PDE1A: variants seen among roughly 807,000 people sequenced by gnomAD.
PDE1A encodes dual specificity calcium/calmodulin-dependent 3',5'-cyclic nucleotide phosphodiesterase 1A.
In PDE1A, 35 loss-of-function variants were observed where a neutral mutation model predicts 61.7. That is an observed-to-expected ratio of 0.57 (90% CI 0.43 to 0.75). PDE1A has a LOEUF of 0.75. Ranked by LOEUF, PDE1A falls within the 30% of genes least tolerant of loss-of-function variation. PDE1A has a pLI of 0.00. For synonymous variants in PDE1A, 232 were observed against 213.2 expected, an observed-to-expected ratio of 1.09 and a Z score of -0.77; for missense variants, 597 against 630.6, an observed-to-expected ratio of 0.95 and a Z score of 0.57.
chr2:182,454,349 T>C (rs1685749134), intron 2 of PDE1A, among the ~76,000 whole-genome samples: 1 of 152,138 alleles, frequency 6.6e-6, no homozygotes, highest in African/African-American at 2.4e-5. Flanking sequence ...CTGCCCAAGG[T>C]AATTTATAGA....
chr2:182,607,146 T>C, the PDE1A span, among the ~76,000 whole-genome samples: 1 of 152,176 alleles, frequency 6.6e-6, no homozygotes. Flanking sequence ...GTGTTGGGTC[T>C]AGTGTCTCAT....
At position 182,315,120 on chromosome 2, in the gene PDE1A, A is replaced by T. The variant is rs1677683454; in HGVS notation, c.54-50706T>A. 1.3e-5 allele frequency among the ~76,000 whole-genome samples: 2 copies of T among 152,192 alleles called. 1 individual carries two copies. Among genetic ancestry groups the T allele is most frequent in the South Asian group, 4.1e-4 (2 of 4,828 alleles). The stretch of plus-strand genomic sequence containing the variant: ...TAATAATACTCCTTGATTAATTCTT[A>T]AATTTTACCTTTTAAATTGTAAAAC... On this transcript the variant is annotated intron_variant, in intron 1 of 13. Transcript: ENST00000351439.
At chr2:182,700,971 T>TA in the PDE1A span, among the ~76,000 whole-genome samples, 7 of 151,808 alleles carry the variant, frequency 4.6e-5, no homozygotes, top group African/African-American at 1.2e-4. Flanking sequence ...AGTTTTCATT[T>TA]AAAAAAAATC....
At chr2:182,689,277 A>C in the PDE1A span, among the ~76,000 whole-genome samples, 1 of 152,214 alleles carries the variant, frequency 6.6e-6, no homozygotes, top group Non-Finnish European at 1.5e-5. Flanking sequence ...CATAGTTGGA[A>C]GTAAAGCACT....
intron 13 of PDE1A, among the ~76,000 whole-genome samples, chr2:182,159,439 A>ATCACCTTTCC: frequency 6.6e-6 from 1 of 152,324 alleles, no homozygotes; most frequent in Non-Finnish European, 1.5e-5. Context: ...TTGATAGGTT[A>ATCACCTTTCC]ATTAAGAATG....
chr2:182,667,025 C>T, the PDE1A span, among the ~76,000 whole-genome samples: 1 of 152,124 alleles, frequency 6.6e-6, no homozygotes, highest in Non-Finnish European at 1.5e-5. Context: ...CTGTAGCATC[C>T]TTCTTCAAAA....
chr2:182,657,885 C>T, the PDE1A span, among the ~76,000 whole-genome samples: 2 of 151,666 alleles, frequency 1.3e-5, no homozygotes, highest in East Asian at 3.9e-4. Flanking sequence ...AGATAGAGAC[C>T]ATTTACTGTG....
the PDE1A span, among the ~76,000 whole-genome samples, chr2:182,681,062 G>C: frequency 6.6e-6 from 1 of 152,094 alleles, no homozygotes. Context: ...ATCTTAAGGA[G>C]AGGTACTTTT....
intron 10 of PDE1A, among the ~76,000 whole-genome samples, chr2:182,199,710 T>C (rs894734184): frequency 2.6e-5 from 4 of 152,074 alleles, no homozygotes; most frequent in African/African-American, 4.8e-5. Context: ...TTTTTACATT[T>C]AGTGTATTTT....
At chr2:182,555,965 C>CAAAAAAAAAAAAAAAAAAAAAAAAAAAA in the PDE1A span, among the ~76,000 whole-genome samples, 5 of 48,420 alleles carry the variant, frequency 1.0e-4, no homozygotes, top group South Asian at 1.2e-3. Context: ...AACTCCATCT[C>CAAAAAAAAAAAAAAAAAAAAAAAAAAAA]AAAAAAAAAA....
the PDE1A span, among the ~76,000 whole-genome samples, chr2:182,556,015 A>T: frequency 6.7e-6 from 1 of 148,860 alleles, no homozygotes; most frequent in East Asian, 1.9e-4. Flanking sequence ...CTTTTGACTT[A>T]AGATAATCAT....
intron 1 of PDE1A, among the ~76,000 whole-genome samples, chr2:182,393,785 C>T (rs751525239): frequency 3.9e-5 from 6 of 152,184 alleles, no homozygotes; most frequent in Non-Finnish European, 7.3e-5. Flanking sequence ...GGGCAAAATG[C>T]CATCAGTCTC....
chr2:182,186,180 G>A (rs1468050284), intron 12 of PDE1A, 101 bp from the exon 13 acceptor site: 17 of 1,250,884 alleles, frequency 1.4e-5, no homozygotes, highest in Non-Finnish European at 1.9e-5. Context: ...AAGCAGGATA[G>A]TAGATGCTCA....
rs551834454 is a variant in PDE1A at position 182,487,700 on chromosome 2, A to G, written c.101+34576T>C. Among the ~76,000 whole-genome samples, 4 of 152,272 alleles carry G rather than the reference A, an allele frequency of 2.6e-5. No homozygotes were observed. In the East Asian group the frequency reaches 7.7e-4, roughly 29 times the overall value. ...GTGGGCCATGACTGCACATTGACAC[A>G]AGGGAACTTTTAAGGATTGCATAAC... is the stretch of plus-strand genomic sequence containing the variant. On this transcript the variant is annotated intron_variant, in intron 2 of 14. Coordinates refer to the PDE1A transcript ENST00000410103.
intron 1 of PDE1A, among the ~76,000 whole-genome samples, chr2:182,374,955 A>C (rs1218002478): frequency 1.3e-5 from 2 of 152,218 alleles, no homozygotes; most frequent in Non-Finnish European, 2.9e-5. Flanking sequence ...AGAGAGAATG[A>C]GGAGGATGCA....
chr2:182,431,121 T>TAAAAA (rs538631665), upstream of PDE1A, among the ~76,000 whole-genome samples: 7 of 121,512 alleles, frequency 5.8e-5, no homozygotes, highest in Admixed American at 8.6e-5. Context: ...AAAAAAACAT[T>TAAAAA]AAAAAAAAAA....
intron 1 of PDE1A, among the ~76,000 whole-genome samples, chr2:182,313,762 CATTAGT>C (rs1451297226): frequency 8.6e-5 from 13 of 151,796 alleles, no homozygotes; most frequent in African/African-American, 3.1e-4. Flanking sequence ...TAGGATGAAA[CATTAGT>C]AGGTTTTTAA....
the PDE1A span, among the ~76,000 whole-genome samples, chr2:182,698,188 T>C: frequency 6.6e-6 from 1 of 152,212 alleles, no homozygotes; most frequent in Non-Finnish European, 1.5e-5. Context: ...TCCTAAAATA[T>C]GGCTCCTCAG....
At chr2:182,549,603 T>G in the PDE1A span, among the ~76,000 whole-genome samples, 1 of 152,142 alleles carries the variant, frequency 6.6e-6, no homozygotes, top group Non-Finnish European at 1.5e-5. Flanking sequence ...GATTATATTT[T>G]GTTACAAATC....
Sources: allele counts gnomAD v4.1 joint callset (sites outside exome capture counted in the v4.1 genomes callset), GRCh38; gene constraint gnomAD v4.1.1; transcripts MANE v1.5; gene names NCBI Gene and HGNC (gene_info 2026-07-23, HGNC 2026-07-21).